Variants in SPATS2L observed in about 807,000 individuals in gnomAD.
SPATS2L encodes spermatogenesis associated serine rich 2 like.
A neutral mutation model predicts 59.6 loss-of-function variants in SPATS2L; 30 were observed. That is an observed-to-expected ratio of 0.50 (90% confidence interval 0.38 to 0.68). SPATS2L has a LOEUF of 0.68. Among genes scored for constraint, SPATS2L ranks in the 30% least tolerant of loss-of-function variants. The probability of loss-of-function intolerance (pLI) is 0.00; values close to 1 mark genes in which losing one functional copy is unlikely to be tolerated. For missense variants in SPATS2L, 615 were observed against 700.0 expected (o/e 0.88, Z 1.37); for synonymous variants, 252 against 263.5 (o/e 0.96, Z 0.42).
intron 2 of SPATS2L, among the ~76,000 whole-genome samples, chr2:200,359,345 G>GTT (rs899213343): frequency 6.6e-6 from 1 of 151,892 alleles, no homozygotes; most frequent in South Asian, 2.1e-4. Context: ...ACCAAATCCA[G>GTT]TTTTTTTTCC....
At chr2:200,424,352 G>A (rs367647450) in intron 6 of SPATS2L, among the ~76,000 whole-genome samples, 14 of 151,964 alleles carry the variant, frequency 9.2e-5, no homozygotes, top group East Asian at 7.8e-4. Flanking sequence ...AGCTTGGTAC[G>A]GTGGCTCATA....
chr2:200,444,764 C>T (rs1356858863), intron 8 of SPATS2L, among the ~76,000 whole-genome samples: 5 of 152,136 alleles, frequency 3.3e-5, no homozygotes, highest in Non-Finnish European at 5.9e-5. Context: ...AATTTTCCTG[C>T]GTCTTAGAGT....
chr2:200,429,389 G>A (rs2083770975), intron 6 of SPATS2L, among the ~76,000 whole-genome samples: 1 of 152,178 alleles, frequency 6.6e-6, no homozygotes, highest in South Asian at 2.1e-4. Context: ...CTAAGGCCTA[G>A]GGGAGGCCCC....
intron 2 of SPATS2L, among the ~76,000 whole-genome samples, chr2:200,336,187 G>A (rs1302558952): frequency 6.6e-6 from 1 of 152,190 alleles, no homozygotes; most frequent in Non-Finnish European, 1.5e-5. Context: ...GTTAATGACA[G>A]GGACCACTGA....
intron 8 of SPATS2L, among the ~76,000 whole-genome samples, chr2:200,449,431 T>C (rs575415473): frequency 5.9e-5 from 9 of 152,386 alleles, no homozygotes; most frequent in Admixed American, 2.6e-4. Context: ...CCGCTGGCAC[T>C]GCAGCCTTCT....
In SPATS2L at chr2:200,469,910, C is replaced by A. The variant is rs1389712598; in HGVS notation, c.958-4C>A. ...GGTTCCTGCTTTTCATCTCTTTCCT[C>A]CAGCACTTTGTCAGCGAGCGTAAAT... On this transcript the variant is annotated splice_region_variant and splice_polypyrimidine_tract_variant and intron_variant, in intron 10 of 12. Transcript: ENST00000409140. The A allele has an allele frequency of 1.2e-6, 2 of 1,605,810 alleles. No homozygotes were observed. The highest frequency in any genetic ancestry group is 2.7e-5 in the African/African-American group (2 of 74,752).
chr2:200,457,737 G>A (rs1435785095), intron 8 of SPATS2L, among the ~76,000 whole-genome samples: 1 of 152,196 alleles, frequency 6.6e-6, no homozygotes, highest in Non-Finnish European at 1.5e-5. Context: ...TCCTGGTTGG[G>A]AAGAGCTGAG....
chr2:200,435,086 A>G (rs758119173), intron 6 of SPATS2L, among the ~76,000 whole-genome samples: 1 of 152,150 alleles, frequency 6.6e-6, no homozygotes, highest in East Asian at 1.9e-4. Flanking sequence ...ATCCTCTTCC[A>G]TTATTTTTTC....
At position 200,306,804 on chromosome 2, in the gene SPATS2L, C is replaced by A; in HGVS notation, c.-191C>A. On this transcript the variant is annotated 5_prime_UTR_variant, in exon 1 of 13. Transcript: ENST00000409140. ...ACGGCGCGCGGCCCAGGCAGCGGCT[C>A]CCGCTCGGCCCGCCCTCCGAGCCGC... 6 of 980,958 alleles carry A rather than the reference C, an allele frequency of 6.1e-6. No individual in the cohort carries two copies. The highest frequency in any genetic ancestry group is 7.2e-6 in the Non-Finnish European group (6 of 828,196). The allele number at this position is 980,958 out of a possible 1,614,324, so 60.8% of individuals were successfully genotyped here.
At chr2:200,339,726 G>A (rs1463825475) in intron 2 of SPATS2L, among the ~76,000 whole-genome samples, 1 of 151,980 alleles carries the variant, frequency 6.6e-6, no homozygotes, top group African/African-American at 2.4e-5. Flanking sequence ...TGTCTTGTTG[G>A]GGCAAGCAAA....
At chr2:200,332,302 T>C (rs750792836) in intron 2 of SPATS2L, among the ~76,000 whole-genome samples, 1 of 152,014 alleles carries the variant, frequency 6.6e-6, no homozygotes, top group Non-Finnish European at 1.5e-5. Context: ...TGGAGTGCAG[T>C]GGCGCCAACA....
At chr2:200,389,055 T>C (rs1260434126) in intron 2 of SPATS2L, among the ~76,000 whole-genome samples, 168 bp from the exon 3 acceptor site, 1 of 152,250 alleles carries the variant, frequency 6.6e-6, no homozygotes, top group Non-Finnish European at 1.5e-5. Flanking sequence ...TGTAACATGC[T>C]TTTAGAACAT....
At chr2:200,333,596 C>T (rs2080033595) in intron 2 of SPATS2L, among the ~76,000 whole-genome samples, 1 of 151,952 alleles carries the variant, frequency 6.6e-6, no homozygotes, top group Admixed American at 6.6e-5. Flanking sequence ...TGGTGTGCTG[C>T]ACCCATTAAC....
At chr2:200,367,313 ATC>A in intron 2 of SPATS2L, among the ~76,000 whole-genome samples, 1 of 152,076 alleles carries the variant, frequency 6.6e-6, no homozygotes, top group East Asian at 1.9e-4. Flanking sequence ...AATCATGATG[ATC>A]TCTGACCTGC....
chr2:200,416,948 T>C (rs998337732), intron 5 of SPATS2L, among the ~76,000 whole-genome samples: 1 of 152,180 alleles, frequency 6.6e-6, no homozygotes, highest in Admixed American at 6.5e-5. Flanking sequence ...GGGGCTTTCT[T>C]GAACACTGGC....
At chr2:200,396,202 CGAT>C (rs2082348619) in intron 3 of SPATS2L, among the ~76,000 whole-genome samples, 1 of 151,140 alleles carries the variant, frequency 6.6e-6, no homozygotes, top group African/African-American at 2.4e-5. Context: ...CTAGACAATA[CGAT>C]GATATGGAAA....
At chr2:200,354,557 G>A (rs2080849022) in intron 2 of SPATS2L, among the ~76,000 whole-genome samples, 1 of 151,990 alleles carries the variant, frequency 6.6e-6, no homozygotes, top group African/African-American at 2.4e-5. Flanking sequence ...GCAGTGAGCT[G>A]AGATTGTGCC....
At chr2:200,448,993 T>G (rs2085255144) in intron 8 of SPATS2L, among the ~76,000 whole-genome samples, 1 of 152,188 alleles carries the variant, frequency 6.6e-6, no homozygotes. Flanking sequence ...ATTCTGAAAT[T>G]GTGAAAAGGG....
rs113465687 is a variant in SPATS2L at position 200,341,980 on chromosome 2, G to T, written c.-23+12500G>T. On this transcript the variant is annotated intron_variant, in intron 2 of 12. Transcript: ENST00000409140. ...TGGGATTACAGGCGTGAGCCACCGC[G>T]CCCGGCCAACTATAACATTTGTAAT... 8.2e-3 allele frequency among the ~76,000 whole-genome samples: 1,247 copies of T among 152,164 alleles called. 19 individuals are homozygous for T. Among genetic ancestry groups the T allele is most frequent in the African/African-American group, 0.029 (1,203 of 41,516 alleles).
Sources: allele counts gnomAD v4.1 joint callset (sites outside exome capture counted in the v4.1 genomes callset), GRCh38; gene constraint gnomAD v4.1.1; transcripts MANE v1.5; gene names NCBI Gene and HGNC (gene_info 2026-07-23, HGNC 2026-07-21).